The following COL27A1 variants were observed in gnomAD, a reference collection of about 807,000 sequenced individuals.
The protein encoded by COL27A1 is collagen type XXVII alpha 1 chain.
Under a neutral mutation model 251.3 loss-of-function variants are expected in COL27A1, and 106 were observed. The observed-to-expected ratio is 0.42, with a 90% CI of 0.36 to 0.50. COL27A1 has a LOEUF of 0.50. Ranked by LOEUF, COL27A1 falls within the 20% of genes least tolerant of loss-of-function variation. The pLI is 0.00. For missense variants in COL27A1, 2,325 were observed against 2,522.8 expected, an observed-to-expected ratio of 0.92 and a Z score of 1.68; for synonymous variants, 1,000 against 986.3, an observed-to-expected ratio of 1.01 and a Z score of -0.26.
chr9:114,269,492 G>C (rs1039542279), intron 35 of COL27A1, among the ~76,000 whole-genome samples, 198 bp downstream of exon 35: 1 of 151,518 alleles, frequency 6.6e-6, no homozygotes, highest in Non-Finnish European at 1.5e-5. Context: ...TTTGTGGTCT[G>C]TAGTCCCAGC....
intron 8 of COL27A1, 50 bp downstream of exon 8, chr9:114,205,196 C>A: frequency 1.3e-6 from 2 of 1,549,418 alleles, no homozygotes; most frequent in Non-Finnish European, 1.8e-6. Context: ...CTCCTCCCAG[C>A]CCCTACCTGT....
At position 114,301,324 on chromosome 9, in the gene COL27A1, G is replaced by GTGGA; in HGVS notation, c.4791+9_4791+12dup. ...AAAGGCAGCCGTGGGGACTGGGTAA[G>GTGGA]TGGATGGGCTGGGGCTGAGGGATGC... On this transcript the variant is annotated splice_donor_region_variant and intron_variant, in intron 53 of 60. Transcript: ENST00000356083. 6.2e-7 allele frequency: 1 copy of GTGGA among 1,613,492 alleles called. No homozygotes were observed. Among genetic ancestry groups the GTGGA allele is most frequent in the South Asian group, 1.1e-5 (1 of 91,004 alleles).
At chr9:114,196,081 G>C (rs41277741) in intron 7 of COL27A1, 69 bp downstream of exon 7, 14,066 of 1,388,502 alleles carry the variant, frequency 0.01, 382 homozygotes, top group African/African-American at 0.092. Flanking sequence ...TCAGGCAGAA[G>C]AGCTGTGGGC....
chr9:114,176,707 A>G (rs941727127), intron 3 of COL27A1, among the ~76,000 whole-genome samples: 27 of 152,204 alleles, frequency 1.8e-4, no homozygotes, highest in Admixed American at 1.6e-3. Context: ...CAATTTGGCC[A>G]GAGGTCTCTG....
intron 5 of COL27A1, among the ~76,000 whole-genome samples, chr9:114,190,668 A>T (rs1828693291): frequency 6.6e-6 from 1 of 152,240 alleles, no homozygotes; most frequent in Non-Finnish European, 1.5e-5. Flanking sequence ...CCCTACCTGC[A>T]GGAAAGGTAT....
chr9:114,288,241 G>C (rs1032313994), intron 41 of COL27A1, among the ~76,000 whole-genome samples: 4 of 152,186 alleles, frequency 2.6e-5, no homozygotes, highest in African/African-American at 9.6e-5. Context: ...AGGGCGTCTG[G>C]AGGGCACAAA....
At chr9:114,201,263 A>G (rs1363060022) in intron 7 of COL27A1, among the ~76,000 whole-genome samples, 1 of 152,206 alleles carries the variant, frequency 6.6e-6, no homozygotes, top group African/African-American at 2.4e-5. Context: ...ACCGATCGCA[A>G]ACTGGAAAGT....
chr9:114,279,333 G>A (rs73548912), intron 37 of COL27A1, among the ~76,000 whole-genome samples: 19,994 of 152,168 alleles, frequency 0.13, 1,592 homozygotes, highest in African/African-American at 0.2. Flanking sequence ...AAACACTGGC[G>A]AGAATTGAAC....
intron 10 of COL27A1, chr9:114,209,407 C>T: frequency 1.4e-6 from 1 of 734,988 alleles, no homozygotes; most frequent in Non-Finnish European, 2.6e-6. Context: ...GTGGGGCGGG[C>T]CTCCTGCCGG....
intron 28 of COL27A1, among the ~76,000 whole-genome samples, chr9:114,259,303 G>A (rs1194473972): frequency 6.6e-6 from 1 of 152,204 alleles, no homozygotes; most frequent in Non-Finnish European, 1.5e-5. Flanking sequence ...AGGGCATTGG[G>A]AGGCTGCAGG....
At chr9:114,306,813 CATTT>C in intron 58 of COL27A1, 125 bp downstream of exon 58, 1 of 992,274 alleles carries the variant, frequency 1.0e-6, no homozygotes, top group Non-Finnish European at 1.5e-6. Flanking sequence ...CACTGGCAGT[CATTT>C]ATTCACTCAG....
In COL27A1 at chr9:114,220,823, G is replaced by A. The variant is rs140665323; in HGVS notation, c.2421+979G>A. On this transcript the variant is annotated intron_variant, in intron 13 of 60. Transcript: ENST00000356083. ...ACCCTGGCCAACATGGCAAAACCCC[G>A]TCTCTACTAAAAATACAAAAAATTA... Among the ~76,000 whole-genome samples, 1,326 of 152,068 alleles carry A rather than the reference G, an allele frequency of 8.7e-3. 21 individuals carry two copies. Among genetic ancestry groups the A allele is most frequent in the African/African-American group, 0.026 (1,099 of 41,484 alleles).
intron 10 of COL27A1, 48 bp downstream of exon 10, chr9:114,206,344 A>G (rs764368909): frequency 6.3e-7 from 1 of 1,575,800 alleles, no homozygotes; most frequent in African/African-American, 1.3e-5. Flanking sequence ...CTAGGTGAGC[A>G]TCACCTGTCC....
chr9:114,237,697 C>T lies in COL27A1; in HGVS notation c.2709C>T (p.Pro903=), dbSNP rs776782702. ...KVGDKGSIGF[P]GPPGPEGFPG... ...GAGACAAAGGATCCATTGGGTTTCC[C>T]GGGCCCCCTGGACCCGAGGTATGTG... The change falls in exon 19 of 61, where the codon CCC becomes CCT. Residue 903 remains proline (P), a synonymous_variant. Transcript: ENST00000356083. 1.8e-5 allele frequency: 29 copies of T among 1,613,980 alleles called. No homozygotes were observed. Among genetic ancestry groups the T allele is most frequent in the East Asian group, 1.8e-4 (8 of 44,888 alleles).
chr9:114,281,714 C>T (rs1461510473), intron 37 of COL27A1, among the ~76,000 whole-genome samples: 2 of 152,168 alleles, frequency 1.3e-5, no homozygotes, highest in African/African-American at 4.8e-5. Flanking sequence ...GACCATGAGC[C>T]AGGGGTGGTA....
At chr9:114,232,491 C>A (rs909581296) in intron 16 of COL27A1, among the ~76,000 whole-genome samples, 1 of 152,208 alleles carries the variant, frequency 6.6e-6, no homozygotes, top group African/African-American at 2.4e-5. Flanking sequence ...AGCACTTGTG[C>A]CCTGCTCTGT....
At chr9:114,176,039 G>A (rs1394617083) in intron 3 of COL27A1, among the ~76,000 whole-genome samples, 4 of 152,210 alleles carry the variant, frequency 2.6e-5, no homozygotes, top group Non-Finnish European at 4.4e-5. Context: ...CCAAGATTGT[G>A]TGGCAGCTGC....
intron 3 of COL27A1, among the ~76,000 whole-genome samples, chr9:114,175,313 G>A (rs1051220001): frequency 6.6e-6 from 1 of 152,312 alleles, no homozygotes; most frequent in East Asian, 1.9e-4. Flanking sequence ...ATCCCACCCC[G>A]GCCTCGTGAA....
At position 114,310,705 on chromosome 9, in the gene COL27A1, TC is replaced by T; in HGVS notation, c.*11del. The T allele has an allele frequency of 6.2e-7, 1 of 1,613,880 alleles. No individual in the cohort carries two copies. Among genetic ancestry groups the T allele is most frequent in the Non-Finnish European group, 8.5e-7 (1 of 1,179,940 alleles). The stretch of plus-strand genomic sequence containing the variant: ...TGCGTGCTTCCTCTGACCTCTGACC[TC>T]GTGGCCACTCTAGGCCTCACGGAGG... On this transcript the variant is annotated 3_prime_UTR_variant, in exon 61 of 61. Transcript: ENST00000356083.
Sources: gnomAD v4.1 joint callset for allele counts (sites outside exome capture counted in the v4.1 genomes callset) on GRCh38, gnomAD v4.1.1 for gene constraint, MANE v1.5 for transcripts, NCBI Gene and HGNC (gene_info 2026-07-23, HGNC 2026-07-21) for gene names.